Variants in OR8A1 observed in about 807,000 individuals in gnomAD.
The protein encoded by OR8A1 is olfactory receptor 8A1.
A neutral mutation model predicts 13.4 loss-of-function variants in OR8A1; 5 were observed. That is an observed-to-expected ratio of 0.37 (90% CI 0.19 to 0.78). The LOEUF (loss-of-function observed/expected upper bound fraction) is 0.78. Among genes scored for constraint, OR8A1 ranks in the 30% least tolerant of loss-of-function variants. The pLI, the probability that OR8A1 is intolerant of heterozygous loss-of-function variation, is 0.47. For synonymous variants in OR8A1, 156 were observed against 150.4 expected (o/e 1.04, Z -0.27); for missense variants, 354 against 374.8 (o/e 0.94, Z 0.46).
In OR8A1 at chr11:124,570,401, C is replaced by T. The variant is rs61748716; in HGVS notation, c.282C>T (p.Tyr94=). ...NFVSEKNIIS[Y]AGCMSQLYFF... ...TGTCAGAGAAAAACATCATCTCCTA[C>T]GCAGGGTGCATGTCACAGCTCTACT... The change falls in exon 1 of 1, where the codon TAC becomes TAT. Residue 94 remains tyrosine, a synonymous_variant. Coordinates refer to ENST00000284287, the MANE Select transcript of OR8A1 (RefSeq NM_001005194.2). 1.4e-4 allele frequency: 225 copies of T among 1,614,144 alleles called. No individual in the cohort carries two copies. The highest frequency in any genetic ancestry group is 1.2e-3 in the South Asian group (108 of 91,088).
chr11:124,570,420 C>T lies in OR8A1; in HGVS notation c.301C>T (p.Leu101Phe), dbSNP rs773967118. 1.4e-5 allele frequency: 23 copies of T among 1,614,044 alleles called. No individual in the cohort carries two copies. Among genetic ancestry groups the T allele is most frequent in the East Asian group, 2.2e-5 (1 of 44,894 alleles). The change falls in exon 1 of 1, where the codon CTC becomes TTC. Residue 101 changes from leucine to phenylalanine, a missense_variant. Transcript: ENST00000284287. ...IISYAGCMSQ[L>F]YFFLVFVIAE... ...CTCCTACGCAGGGTGCATGTCACAG[C>T]TCTACTTCTTCCTTGTTTTTGTCAT...
Position 124,570,746 on chromosome 11 carries a change from G to A in OR8A1, c.627G>A (p.Thr209=), listed in dbSNP as rs748345113. 2.6e-5 allele frequency: 42 copies of A among 1,613,916 alleles called. No homozygotes were observed. The highest frequency in any genetic ancestry group is 3.1e-5 in the Non-Finnish European group (36 of 1,179,994). Residue 209 remains threonine (T), a synonymous_variant, in exon 1 of 1, where the codon ACG becomes ACA. Coordinates refer to ENST00000284287, the MANE Select transcript of OR8A1 (RefSeq NM_001005194.2). Reference sequence around the variant, plus strand: ...CGGCTGGATTCAACATCATAGTCACGAGCTTAACAGTTCTTGTTTCTTACA... The same window carrying A: ...CGGCTGGATTCAACATCATAGTCACAAGCTTAACAGTTCTTGTTTCTTACA... The part of the protein sequence containing the change: ...FFSAGFNIIV[T]SLTVLVSYTF...
chr11:124,571,259 C>CTTCCTTT lies in OR8A1; in HGVS notation c.*210_*211insTTCCTTT. On this transcript the variant is annotated 3_prime_UTR_variant, in exon 1 of 1. Transcript: ENST00000284287. ...TCCTCTTCTTTCCTCTTCCTTCCCT[C>CTTCCTTT]CCTCTTTTTTCACTTCTCTTTGAAG... The CTTCCTTT allele has an allele frequency of 1.9e-6, 1 of 526,806 alleles. No individual in the cohort carries two copies. Among genetic ancestry groups the CTTCCTTT allele is most frequent in the East Asian group, 3.1e-5 (1 of 32,144 alleles). 32.6% of individuals were successfully genotyped at this position (526,806 alleles called of 1,614,324 possible).
chr11:124,570,429 T>G lies in OR8A1; in HGVS notation c.310T>G (p.Phe104Val), dbSNP rs1267407843. The change falls in exon 1 of 1, where the codon TTC becomes GTC. Residue 104 changes from phenylalanine (F) to valine (V), a missense_variant. Phe to Val is a conservative substitution (Grantham distance 50, BLOSUM62 -1). Coordinates refer to ENST00000284287, the MANE Select transcript of OR8A1 (RefSeq NM_001005194.2). Reference sequence around the variant, plus strand: ...AGGGTGCATGTCACAGCTCTACTTCTTCCTTGTTTTTGTCATTGCTGAGTG... The same window carrying G: ...AGGGTGCATGTCACAGCTCTACTTCGTCCTTGTTTTTGTCATTGCTGAGTG... ...YAGCMSQLYFFLVFVIAECYM... is the reference protein window; with the variant it reads ...YAGCMSQLYFVLVFVIAECYM... 1.9e-6 allele frequency: 3 copies of G among 1,614,092 alleles called. No homozygotes were observed. In the South Asian group the frequency reaches 3.3e-5, roughly 18 times the overall value.
Position 124,570,892 on chromosome 11 carries a change from A to C in OR8A1, c.773A>C (p.Tyr258Ser). The stretch of plus-strand genomic sequence containing the variant: ...TTCTATGGATCAACTGCATTCATGT[A>C]CTTAAAACCCTCCACAATCAGTTCC... ...GMFYGSTAFM[Y>S]LKPSTISSLT... The change falls in exon 1 of 1, where the codon TAC becomes TCC. Residue 258 changes from tyrosine to serine, a missense_variant. Physicochemically the swap from Tyr to Ser is moderately radical, Grantham distance 144 (BLOSUM62 -2). Coordinates refer to ENST00000284287, the MANE Select transcript of OR8A1 (RefSeq NM_001005194.2). 6.2e-7 allele frequency: 1 copy of C among 1,614,122 alleles called. No homozygotes were observed. Among genetic ancestry groups the C allele is most frequent in the Non-Finnish European group, 8.5e-7 (1 of 1,179,996 alleles).
At position 124,570,208 on chromosome 11, in the gene OR8A1, T is replaced by A. The variant is rs1284591904; in HGVS notation, c.89T>A (p.Leu30His). 2 of 1,614,054 alleles carry A rather than the reference T, an allele frequency of 1.2e-6. No homozygotes were observed. Among genetic ancestry groups the A allele is most frequent in the Non-Finnish European group, 1.7e-6 (2 of 1,180,016 alleles). ...GACCTCCAGCTCCCCCTCTTTCTCC[T>A]CTTCCTCGGGATCTACTTGGTCACC... ...RADLQLPLFLLFLGIYLVTIV... is the reference protein window; with the variant it reads ...RADLQLPLFLHFLGIYLVTIV... Residue 30 changes from leucine (L) to histidine (H), a missense_variant, in exon 1 of 1, where the codon CTC becomes CAC. Transcript: ENST00000284287.
chr11:124,571,010 G>T lies in OR8A1; in HGVS notation c.891G>T (p.Lys297Asn), dbSNP rs774416840. The change falls in exon 1 of 1, where the codon AAG becomes AAT. Residue 297 changes from lysine to asparagine, a missense_variant. Coordinates refer to ENST00000284287, the MANE Select transcript of OR8A1 (RefSeq NM_001005194.2). ...LIYSLRNKEV[K>N]AAVQKTLRGK... ...ACAGCCTGAGGAACAAGGAAGTAAAGGCTGCCGTGCAGAAAACGCTGAGGG... is the reference window on the plus strand; with the variant it reads ...ACAGCCTGAGGAACAAGGAAGTAAATGCTGCCGTGCAGAAAACGCTGAGGG... 15 of 1,613,658 alleles carry T rather than the reference G, an allele frequency of 9.3e-6. No individual in the cohort carries two copies. In the East Asian group the frequency reaches 3.1e-4, roughly 34 times the overall value.
Position 124,570,756 on chromosome 11 carries a change from G to A in OR8A1, c.637G>A (p.Val213Ile). ...CAACATCATAGTCACGAGCTTAACAGTTCTTGTTTCTTACACCTTCATTCT... is the reference window on the plus strand; with the variant it reads ...CAACATCATAGTCACGAGCTTAACAATTCTTGTTTCTTACACCTTCATTCT... ...GFNIIVTSLTVLVSYTFILSS... is the reference protein window; with the variant it reads ...GFNIIVTSLTILVSYTFILSS... Residue 213 changes from valine to isoleucine, a missense_variant, in exon 1 of 1, where the codon GTT (valine) becomes ATT (isoleucine). Coordinates refer to ENST00000284287, the MANE Select transcript of OR8A1 (RefSeq NM_001005194.2). 6.2e-7 allele frequency: 1 copy of A among 1,614,082 alleles called. No individual in the cohort carries two copies. The highest frequency in any genetic ancestry group is 1.1e-5 in the South Asian group (1 of 91,082).
At position 124,570,464 on chromosome 11, in the gene OR8A1, G is replaced by A; in HGVS notation, c.345G>A (p.Leu115=). 1.9e-6 allele frequency: 3 copies of A among 1,614,040 alleles called. No individual in the cohort carries two copies. Among genetic ancestry groups the A allele is most frequent in the Non-Finnish European group, 1.7e-6 (2 of 1,179,994 alleles). ...LVFVIAECYM[L]TVMAYDRYVA... Reference sequence around the variant, plus strand: ...TTGTCATTGCTGAGTGTTACATGCTGACAGTGATGGCCTACGACCGCTATG... The same window carrying A: ...TTGTCATTGCTGAGTGTTACATGCTAACAGTGATGGCCTACGACCGCTATG... Residue 115 remains leucine (L), a synonymous_variant, in exon 1 of 1, where the codon CTG becomes CTA. Transcript: ENST00000284287.
rs143249382 is a variant in OR8A1 at position 124,570,167 on chromosome 11, T to C, written c.48T>C (p.Gly16=). The C allele has an allele frequency of 1.3e-5, 21 of 1,613,440 alleles. No homozygotes were observed. The African/African-American group carries it at 2.1e-4, about 16-fold the overall frequency. The change falls in exon 1 of 1, where the codon GGT becomes GGC. Residue 16 remains glycine, a synonymous_variant. Coordinates refer to ENST00000284287, the MANE Select transcript of OR8A1 (RefSeq NM_001005194.2). The part of the protein sequence containing the change: ...HSTVTEFILK[G]LTKRADLQLP... ...CAGTGACAGAGTTCATTCTCAAGGG[T>C]TTAACGAAGAGAGCAGACCTCCAGC...
At position 124,570,516 on chromosome 11, in the gene OR8A1, A is replaced by G. The variant is rs772415858; in HGVS notation, c.397A>G (p.Asn133Asp). 2 of 1,614,062 alleles carry G rather than the reference A, an allele frequency of 1.2e-6. No homozygotes were observed. Among genetic ancestry groups the G allele is most frequent in the Non-Finnish European group, 1.7e-6 (2 of 1,180,010 alleles). The change falls in exon 1 of 1, where the codon AAC becomes GAC. Residue 133 changes from asparagine to aspartate, a missense_variant. Physicochemically the swap from Asn to Asp is conservative, Grantham distance 23. Coordinates refer to ENST00000284287, the MANE Select transcript of OR8A1 (RefSeq NM_001005194.2). ...YVAICHPLLYNIIMSHHTCLL... is the reference protein window; with the variant it reads ...YVAICHPLLYDIIMSHHTCLL... ...TGCCATCTGCCACCCTTTGCTTTAC[A>G]ACATCATTATGTCTCATCACACCTG...
Position 124,571,017 on chromosome 11 carries a change from G to C in OR8A1, c.898G>C (p.Val300Leu). The C allele has an allele frequency of 2.5e-6, 4 of 1,613,084 alleles. No individual in the cohort carries two copies. The highest frequency in any genetic ancestry group is 3.4e-6 in the Non-Finnish European group (4 of 1,179,616). ...SLRNKEVKAA[V>L]QKTLRGKLF is the part of the protein sequence containing the mutation. ...GAGGAACAAGGAAGTAAAGGCTGCCGTGCAGAAAACGCTGAGGGGTAAACT... is the reference window on the plus strand; with the variant it reads ...GAGGAACAAGGAAGTAAAGGCTGCCCTGCAGAAAACGCTGAGGGGTAAACT... The change falls in exon 1 of 1, where the codon GTG (valine) becomes CTG (leucine). Residue 300 changes from valine (V) to leucine (L), a missense_variant. Transcript: ENST00000284287.
rs544600224 is a variant in OR8A1, at chr11:124,570,306, C to T, written c.187C>T (p.Leu63Phe). The stretch of plus-strand genomic sequence containing the variant: ...GCTGCACACCCCCATGTACTACTTT[C>T]TCAGCAATCTGTCACTCATGGATCT... ...SQLHTPMYYFLSNLSLMDLCY... is the reference protein window; with the variant it reads ...SQLHTPMYYFFSNLSLMDLCY... Residue 63 changes from leucine (L) to phenylalanine (F), a missense_variant, in exon 1 of 1, where the codon CTC becomes TTC. Coordinates refer to ENST00000284287, the MANE Select transcript of OR8A1 (RefSeq NM_001005194.2). 1.2e-6 allele frequency: 2 copies of T among 1,614,150 alleles called. No homozygotes were observed. Among genetic ancestry groups the T allele is most frequent in the South Asian group, 1.1e-5 (1 of 91,084 alleles).
In OR8A1 at chr11:124,570,790, T is replaced by C. The variant is rs1252282628; in HGVS notation, c.671T>C (p.Ile224Thr). The C allele has an allele frequency of 2.5e-6, 4 of 1,614,062 alleles. No individual in the cohort carries two copies. Among genetic ancestry groups the C allele is most frequent in the Non-Finnish European group, 1.7e-6 (2 of 1,179,990 alleles). Residue 224 changes from isoleucine to threonine, a missense_variant, in exon 1 of 1, where the codon ATC becomes ACC. Coordinates refer to ENST00000284287, the MANE Select transcript of OR8A1 (RefSeq NM_001005194.2). ...LVSYTFILSS[I>T]LGISTTEGRS... ...TCTTACACCTTCATTCTCTCCAGCA[T>C]CCTCGGCATCAGCACCACAGAGGGG...
At position 124,571,127 on chromosome 11, in the gene OR8A1, G is replaced by A; in HGVS notation, c.*78G>A. The A allele has an allele frequency of 7.3e-7, 1 of 1,374,832 alleles. No individual in the cohort carries two copies. The highest frequency in any genetic ancestry group is 9.9e-7 in the Non-Finnish European group (1 of 1,012,544). 85.2% of individuals were successfully genotyped at this position (1,374,832 alleles called of 1,614,324 possible). On this transcript the variant is annotated 3_prime_UTR_variant, in exon 1 of 1. Coordinates refer to ENST00000284287, the MANE Select transcript of OR8A1 (RefSeq NM_001005194.2). ...AGTGACAGCTTCTGAATGCTGGCCA[G>A]CTGTGGATGGAAAATAATCACTTCT...
rs781078365 is a variant in OR8A1, at chr11:124,570,103, C to T, written c.-17C>T. 3 of 1,613,694 alleles carry T rather than the reference C, an allele frequency of 1.9e-6. No homozygotes were observed. The highest frequency in any genetic ancestry group is 2.5e-6 in the Non-Finnish European group (3 of 1,179,876). Reference sequence around the variant, plus strand: ...TTGTCTCCCATGCATCCCTGCAGGCCTCCCACCCAGAGGAGAATGGCTGCA... The same window carrying T: ...TTGTCTCCCATGCATCCCTGCAGGCTTCCCACCCAGAGGAGAATGGCTGCA... On this transcript the variant is annotated 5_prime_UTR_variant, in exon 1 of 1. Transcript: ENST00000284287.
chr11:124,570,435 GT>G lies in OR8A1; in HGVS notation c.321del (p.Phe107LeufsTer9). On this transcript the variant is annotated frameshift_variant, in exon 1 of 1. Coordinates refer to ENST00000284287, the MANE Select transcript of OR8A1 (RefSeq NM_001005194.2). LOFTEE classifies it high-confidence loss of function. ...GCMSQLYFFL[V>X]FVIAECYMLT... ...CATGTCACAGCTCTACTTCTTCCTTGTTTTTGTCATTGCTGAGTGTTACATG... is the reference window on the plus strand; with the variant it reads ...CATGTCACAGCTCTACTTCTTCCTTGTTTTGTCATTGCTGAGTGTTACATG... The G allele has an allele frequency of 6.2e-7, 1 of 1,614,096 alleles. No individual in the cohort carries two copies.
rs758964079 is a variant in OR8A1 at position 124,570,422 on chromosome 11, C to T, written c.303C>T (p.Leu101=). The part of the protein sequence containing the change: ...IISYAGCMSQ[L]YFFLVFVIAE... Reference sequence around the variant, plus strand: ...CCTACGCAGGGTGCATGTCACAGCTCTACTTCTTCCTTGTTTTTGTCATTG... The same window carrying T: ...CCTACGCAGGGTGCATGTCACAGCTTTACTTCTTCCTTGTTTTTGTCATTG... Residue 101 remains leucine (L), a synonymous_variant, in exon 1 of 1, where the codon CTC becomes CTT. Coordinates refer to ENST00000284287, the MANE Select transcript of OR8A1 (RefSeq NM_001005194.2). The T allele has an allele frequency of 5.0e-6, 8 of 1,614,142 alleles. No individual in the cohort carries two copies. The South Asian group carries it at 7.7e-5, about 16-fold the overall frequency.
chr11:124,570,030 C>T lies in OR8A1; in HGVS notation c.-90C>T. ...GAGAGCCCAGGATGTTTCACTAGCA[C>T]CAAAGGCTCAAGACTAGCCGTCCAA... On this transcript the variant is annotated 5_prime_UTR_variant, in exon 1 of 1. Coordinates refer to ENST00000284287, the MANE Select transcript of OR8A1 (RefSeq NM_001005194.2). 6.4e-7 allele frequency: 1 copy of T among 1,563,940 alleles called. No individual in the cohort carries two copies. Among genetic ancestry groups the T allele is most frequent in the Non-Finnish European group, 8.6e-7 (1 of 1,156,098 alleles).
Sources: gnomAD v4.1 joint callset for allele counts on GRCh38, gnomAD v4.1.1 for gene constraint, MANE v1.5 for transcripts, NCBI Gene and HGNC (gene_info 2026-07-23, HGNC 2026-07-21) for gene names.